SPAST: variants seen among roughly 807,000 people sequenced by gnomAD.
SPAST encodes the protein spastic paraplegia 4 (autosomal dominant; spastin).
SPAST carries 30 observed loss-of-function variants against 76.6 expected under a neutral mutation model. That is an observed-to-expected ratio of 0.39 (90% CI 0.29 to 0.53). SPAST has a LOEUF of 0.53. Ranked by LOEUF, SPAST falls within the 20% of genes least tolerant of loss-of-function variation. The pLI is 0.68. For synonymous variants in SPAST, 305 were observed against 281.0 expected (o/e 1.09, Z -0.86); for missense variants, 717 against 770.5 (o/e 0.93, Z 0.82).
chr2:32,142,327 T>G (rs1679746261), intron 13 of SPAST, among the ~76,000 whole-genome samples: 1 of 152,226 alleles, frequency 6.6e-6, no homozygotes, highest in Non-Finnish European at 1.5e-5. Context: ...TGAATGAAAC[T>G]CCAAAACATT....
chr2:32,141,665 G>T (rs1243161066), intron 12 of SPAST, among the ~76,000 whole-genome samples: 1 of 152,152 alleles, frequency 6.6e-6, no homozygotes, highest in Non-Finnish European at 1.5e-5. Flanking sequence ...TTGTTTTAAA[G>T]CATTACTGCT....
At chr2:32,108,909 A>T (rs1678428052) in intron 4 of SPAST, among the ~76,000 whole-genome samples, 1 of 148,054 alleles carries the variant, frequency 6.8e-6, no homozygotes, top group Non-Finnish European at 1.5e-5. Flanking sequence ...GGGACTACAG[A>T]TGCGTGCCAC....
chr2:32,133,927 A>T (rs563538860), intron 9 of SPAST, among the ~76,000 whole-genome samples: 3 of 152,366 alleles, frequency 2.0e-5, no homozygotes, highest in Non-Finnish European at 4.4e-5. Context: ...CATAGTACTT[A>T]AAATGTTCTC....
Position 32,069,085 on chromosome 2 carries a change from C to T in SPAST, c.415+4839C>T, listed in dbSNP as rs1264034860. On this transcript the variant is annotated intron_variant, in intron 1 of 16. Coordinates refer to ENST00000315285, the MANE Select transcript of SPAST (RefSeq NM_014946.4). ...AAAATTAGCTGGGCATAGTGGTGCACGCCTGTAGTCCCGGGTACTTGGGAC... is the reference window on the plus strand; with the variant it reads ...AAAATTAGCTGGGCATAGTGGTGCATGCCTGTAGTCCCGGGTACTTGGGAC... 3.9e-5 allele frequency among the ~76,000 whole-genome samples: 6 copies of T among 151,912 alleles called. No homozygotes were observed. In the South Asian group the frequency reaches 8.3e-4, roughly 21 times the overall value.
At chr2:32,111,352 A>AT (rs1678592700) in intron 4 of SPAST, among the ~76,000 whole-genome samples, 1 of 128,202 alleles carries the variant, frequency 7.8e-6, no homozygotes, top group Admixed American at 7.9e-5. Context: ...AGTATACTGT[A>AT]TAGTGTGTAT....
At chr2:32,103,727 C>A (rs1042144550) in intron 4 of SPAST, among the ~76,000 whole-genome samples, 1 of 152,098 alleles carries the variant, frequency 6.6e-6, no homozygotes, top group African/African-American at 2.4e-5. Context: ...CTTATATACC[C>A]AGTAGTCATT....
chr2:32,155,919 T>A lies in SPAST; in HGVS notation c.*1423T>A, dbSNP rs183154867. 1 of 152,700 alleles carries A rather than the reference T, an allele frequency of 6.5e-6. No individual in the cohort carries two copies. The highest frequency in any genetic ancestry group is 6.5e-5 in the Admixed American group (1 of 15,282). The allele number at this position is 152,700 out of a possible 1,614,324, so 9.5% of individuals were successfully genotyped here. A position where few individuals can be genotyped will look rare whatever the true frequency, so the allele number is the denominator to read the frequency against. On this transcript the variant is annotated 3_prime_UTR_variant, in exon 17 of 17. Transcript: ENST00000315285. ...ATTTCTTAGGTTTTGAAAGAATACA[T>A]TAAAATAAAAAACTTGCCCCTACTA...
Position 32,087,586 on chromosome 2 carries a change from T to C in SPAST, c.502+8T>C, listed in dbSNP as rs1286397942. The stretch of plus-strand genomic sequence containing the variant: ...TTATAGTTACAGGACAAGGTAAGAT[T>C]GTATTTGTTTATAGCCATCCCAAAT... On this transcript the variant is annotated splice_region_variant and intron_variant, in intron 2 of 16. Transcript: ENST00000315285. The C allele has an allele frequency of 6.6e-7, 1 of 1,506,830 alleles. No individual in the cohort carries two copies. Among genetic ancestry groups the C allele is most frequent in the Non-Finnish European group, 9.2e-7 (1 of 1,086,904 alleles). 93.3% of individuals were successfully genotyped at this position (1,506,830 alleles called of 1,614,324 possible). A position where few individuals can be genotyped will look rare whatever the true frequency, so the allele number is the denominator to read the frequency against.
chr2:32,115,552 CCTTCA>C lies in SPAST; in HGVS notation c.871-149_871-145del. 1.0e-5 allele frequency: 6 copies of C among 577,324 alleles called. No homozygotes were observed. The South Asian group carries it at 1.5e-4, about 14-fold the overall frequency. The allele number at this position is 577,324 out of a possible 1,614,324, so 35.8% of individuals were successfully genotyped here. A position where few individuals can be genotyped will look rare whatever the true frequency, so the allele number is the denominator to read the frequency against. On this transcript the variant is annotated intron_variant, in intron 5 of 16. Transcript: ENST00000315285. ...TAGTTCTCTAGTGAATACAGTTTTA[CCTTCA>C]GGTAAATAAATATACAATTTATGGA...
chr2:32,081,804 A>AAAAAAAAAAAT (rs1329836769), intron 1 of SPAST, among the ~76,000 whole-genome samples: 1 of 145,184 alleles, frequency 6.9e-6, no homozygotes, highest in Non-Finnish European at 1.5e-5. Context: ...AAAAAAAAAA[A>AAAAAAAAAAAT]GGAAAGAAAA....
At chr2:32,120,411 G>T (rs1678978982) in intron 7 of SPAST, among the ~76,000 whole-genome samples, 1 of 151,986 alleles carries the variant, frequency 6.6e-6, no homozygotes. Context: ...ACCAAGCCAA[G>T]TAGCGTACTA....
chr2:32,106,459 C>T (rs1261921650), intron 4 of SPAST, among the ~76,000 whole-genome samples: 1 of 152,180 alleles, frequency 6.6e-6, no homozygotes, highest in Non-Finnish European at 1.5e-5. Flanking sequence ...GGGCTGCACC[C>T]ACTGTCTGAC....
chr2:32,142,031 G>A, intron 13 of SPAST, 85 bp downstream of exon 13: 2 of 1,037,686 alleles, frequency 1.9e-6, no homozygotes, highest in Non-Finnish European at 3.0e-6. Flanking sequence ...CCAATCCATG[G>A]TACAGCTACT....
chr2:32,077,166 G>A (rs983202597), intron 1 of SPAST, among the ~76,000 whole-genome samples: 8 of 152,088 alleles, frequency 5.3e-5, no homozygotes, highest in South Asian at 2.1e-4. Context: ...GAGCCACCGC[G>A]CCCGGCTTTA....
At position 32,098,876 on chromosome 2, in the gene SPAST, G is replaced by A; in HGVS notation, c.667G>A (p.Gly223Arg). Residue 223 changes from glycine (G) to arginine (R), a missense_variant, in exon 4 of 17, where the codon GGA becomes AGA. By Grantham distance (125) the Gly-to-Arg change is moderately radical. This residue lies in a region of SPAST where 543 missense variants were observed against 445.2 expected (regional missense o/e 1.22). Coordinates refer to ENST00000315285, the MANE Select transcript of SPAST (RefSeq NM_014946.4). Reference protein sequence around the residue: ...NDSTNLACRNGHLQSESGAVP... With the variant: ...NDSTNLACRNRHLQSESGAVP... Reference sequence around the variant, plus strand: ...CAGTACTAACTTGGCATGCCGCAATGGACATCTCCAGTCAGGTGGGTTTAG... The same window carrying A: ...CAGTACTAACTTGGCATGCCGCAATAGACATCTCCAGTCAGGTGGGTTTAG... The A allele has an allele frequency of 6.2e-7, 1 of 1,612,680 alleles. No homozygotes were observed. The highest frequency in any genetic ancestry group is 1.1e-5 in the South Asian group (1 of 91,042).
intron 16 of SPAST, among the ~76,000 whole-genome samples, chr2:32,153,874 C>G (rs1424053435): frequency 1.3e-5 from 2 of 151,986 alleles, no homozygotes; most frequent in African/African-American, 4.8e-5. Flanking sequence ...GTTAGGAGTT[C>G]AGGACCAACC....
intron 3 of SPAST, among the ~76,000 whole-genome samples, chr2:32,090,251 C>T (rs1362754777): frequency 1.3e-5 from 2 of 152,166 alleles, no homozygotes; most frequent in African/African-American, 4.8e-5. Flanking sequence ...TTGTCTATGG[C>T]TTTCATGCTA....
At chr2:32,145,547 A>C (rs949848511) in intron 15 of SPAST, among the ~76,000 whole-genome samples, 3 of 152,240 alleles carry the variant, frequency 2.0e-5, no homozygotes, top group African/African-American at 4.8e-5. Context: ...AGAATAATGT[A>C]AGGAAAATGT....
At chr2:32,133,806 T>C (rs1394592651) in intron 9 of SPAST, among the ~76,000 whole-genome samples, 2 of 152,164 alleles carry the variant, frequency 1.3e-5, no homozygotes, top group East Asian at 1.9e-4. Flanking sequence ...GTTAATAATA[T>C]TAACTGTCAC....
Sources: allele counts gnomAD v4.1 joint callset (sites outside exome capture counted in the v4.1 genomes callset), GRCh38; gene constraint gnomAD v4.1.1; regional missense constraint gnomAD v4.1.1; transcripts MANE v1.5; gene names NCBI Gene and HGNC (gene_info 2026-07-23, HGNC 2026-07-21).